Variants in DNAH9 observed in about 807,000 individuals in gnomAD.
The protein encoded by DNAH9 is dynein axonemal heavy chain 9.
A neutral mutation model predicts 471.6 loss-of-function variants in DNAH9; 345 were observed. The observed-to-expected ratio is 0.73, with a 90% CI of 0.67 to 0.80. The LOEUF (loss-of-function observed/expected upper bound fraction) is 0.80. Ranked by LOEUF, DNAH9 falls within the 30% of genes least tolerant of loss-of-function variation. The pLI is 0.00. For synonymous variants in DNAH9, 2,093 were observed against 2,123.6 expected, an observed-to-expected ratio of 0.99 and a Z score of 0.40; for missense variants, 5,407 against 5,609.2, an observed-to-expected ratio of 0.96 and a Z score of 1.15.
At chr17:11,817,313 G>GTCT (rs1567822863) in intron 45 of DNAH9, among the ~76,000 whole-genome samples, 1 of 152,134 alleles carries the variant, frequency 6.6e-6, no homozygotes, top group African/African-American at 2.4e-5. Context: ...CCATCCGATG[G>GTCT]TCTTCTTCTT....
intron 26 of DNAH9, among the ~76,000 whole-genome samples, chr17:11,707,435 T>A (rs1273153005): frequency 6.6e-6 from 1 of 152,220 alleles, no homozygotes; most frequent in African/African-American, 2.4e-5. Context: ...GTTCATGGAA[T>A]GAATAGGACA....
intron 26 of DNAH9, among the ~76,000 whole-genome samples, chr17:11,707,360 A>G (rs1196049859): frequency 6.6e-6 from 1 of 152,160 alleles, no homozygotes; most frequent in Non-Finnish European, 1.5e-5. Context: ...ATTTTAGTCA[A>G]ATCCTCAAAT....
intron 45 of DNAH9, 134 bp downstream of exon 45, chr17:11,810,503 C>A: frequency 8.5e-7 from 1 of 1,169,624 alleles, no homozygotes; most frequent in Non-Finnish European, 1.2e-6. Context: ...CAGCCAAGGA[C>A]TGGTTCATTG....
At chr17:11,797,932 T>G (rs1969306585) in intron 43 of DNAH9, 139 bp downstream of exon 43, 7 of 831,994 alleles carry the variant, frequency 8.4e-6, no homozygotes, top group Non-Finnish European at 1.3e-5. Flanking sequence ...AGATGGCTGC[T>G]GGCAGAGCAG....
intron 68 of DNAH9, among the ~76,000 whole-genome samples, chr17:11,963,659 A>ATT (rs35717040): frequency 1.3e-5 from 2 of 151,744 alleles, no homozygotes; most frequent in African/African-American, 2.4e-5. Flanking sequence ...AAGAGTTGAA[A>ATT]TTTTTTTTAA....
intron 33 of DNAH9, among the ~76,000 whole-genome samples, chr17:11,754,139 A>C (rs1397220978): frequency 6.6e-6 from 1 of 151,996 alleles, no homozygotes; most frequent in African/African-American, 2.4e-5. Context: ...TTCCCAAAAA[A>C]AAAAAACAAA....
chr17:11,811,300 G>A (rs540948250), intron 45 of DNAH9, among the ~76,000 whole-genome samples: 13 of 151,908 alleles, frequency 8.6e-5, no homozygotes, highest in African/African-American at 2.2e-4. Flanking sequence ...GCGACAGAGC[G>A]AGACTCCGTC....
chr17:11,727,363 G>T (rs1293111525), intron 27 of DNAH9, among the ~76,000 whole-genome samples: 3 of 152,044 alleles, frequency 2.0e-5, no homozygotes. Flanking sequence ...TTTAACAGAT[G>T]TTATCACCCC....
intron 35 of DNAH9, among the ~76,000 whole-genome samples, chr17:11,761,368 C>T (rs1017469634): frequency 1.3e-5 from 2 of 152,176 alleles, no homozygotes; most frequent in African/African-American, 2.4e-5. Flanking sequence ...TCTGACCCAT[C>T]GCTGTAAAAG....
At chr17:11,968,099 T>C (rs921674904) in intron 68 of DNAH9, among the ~76,000 whole-genome samples, 1 of 152,188 alleles carries the variant, frequency 6.6e-6, no homozygotes, top group Non-Finnish European at 1.5e-5. Flanking sequence ...GAGATGCAAA[T>C]GTTTTAGAAT....
At chr17:11,835,936 G>A (rs981391082) in intron 49 of DNAH9, among the ~76,000 whole-genome samples, 7 of 152,084 alleles carry the variant, frequency 4.6e-5, no homozygotes, top group Admixed American at 6.5e-5. Context: ...CACATGCCTC[G>A]GAGCTAGCCC....
chr17:11,920,558 T>C (rs1597828128), intron 61 of DNAH9, among the ~76,000 whole-genome samples: 1 of 147,554 alleles, frequency 6.8e-6, no homozygotes, highest in Non-Finnish European at 1.5e-5. Flanking sequence ...GAGGCAGAGG[T>C]TGCAGTGAGC....
chr17:11,823,042 A>G lies in DNAH9; in HGVS notation c.9246+8A>G. The G allele has an allele frequency of 4.4e-6, 7 of 1,606,236 alleles. No homozygotes were observed. The highest frequency in any genetic ancestry group is 6.0e-6 in the Non-Finnish European group (7 of 1,175,654). On this transcript the variant is annotated splice_region_variant and intron_variant, in intron 48 of 68. Coordinates refer to ENST00000262442, the MANE Select transcript of DNAH9 (RefSeq NM_001372.4). The stretch of plus-strand genomic sequence containing the variant: ...CATAGCACCTCTGCCCAGGTGAGCA[A>G]TGTCCCGCTCCTTCCACCTGCAGGG...
chr17:11,685,352 G>A (rs991838076), intron 19 of DNAH9, among the ~76,000 whole-genome samples: 5 of 152,256 alleles, frequency 3.3e-5, no homozygotes, highest in African/African-American at 1.2e-4. Context: ...AAAACTGCAT[G>A]TGTGTATGGC....
intron 48 of DNAH9, among the ~76,000 whole-genome samples, chr17:11,824,293 G>A (rs933179009): frequency 3.9e-5 from 6 of 152,102 alleles, no homozygotes; most frequent in Admixed American, 1.3e-4. Flanking sequence ...TTGTTCTATT[G>A]AACTTTCTCC....
rs1470012747 is a variant in DNAH9, at chr17:11,745,026, T to G, written c.6341T>G (p.Leu2114Trp). The G allele has an allele frequency of 5.6e-6, 9 of 1,614,032 alleles. No homozygotes were observed. Among genetic ancestry groups the G allele is most frequent in the Non-Finnish European group, 5.9e-6 (7 of 1,180,008 alleles). Residue 2114 changes from leucine (L) to tryptophan (W), a missense_variant, in exon 31 of 69, where the codon TTG becomes TGG. Leu to Trp is a moderately conservative substitution (Grantham distance 61, BLOSUM62 -2). Transcript: ENST00000262442. ...PRRRDPNFEA[L>W]VRKAIVDLKL... ...AGGAGAGACCCCAACTTCGAAGCTT[T>G]GGTTAGGAAGGCGATAGTGGATCTG...
intron 45 of DNAH9, among the ~76,000 whole-genome samples, chr17:11,817,055 CA>C (rs60143900): frequency 0.096 from 14,056 of 145,834 alleles, 1,737 homozygotes; most frequent in African/African-American, 0.28. Flanking sequence ...CGAGCCGTCT[CA>C]AAAAAAAAAA....
At chr17:11,876,658 A>C (rs1972498152) in intron 53 of DNAH9, among the ~76,000 whole-genome samples, 3 of 152,078 alleles carry the variant, frequency 2.0e-5, no homozygotes. Context: ...TGCGAGGGAG[A>C]GGGGAATGAA....
rs180786778 is a variant in DNAH9 at position 11,866,901 on chromosome 17, C to T, written c.9934-2233C>T. The stretch of plus-strand genomic sequence containing the variant: ...GGGCAGTATTCGGGTGGGAGTGACC[C>T]GATTTTCCAGGTGCCATCTGTCACC... On this transcript the variant is annotated intron_variant, in intron 50 of 68. Transcript: ENST00000262442. Among the ~76,000 whole-genome samples, 38 of 152,316 alleles carry T rather than the reference C, an allele frequency of 2.5e-4. 1 individual carries two copies. The highest frequency in any genetic ancestry group is 1.9e-3 in the Admixed American group (29 of 15,300).
Sources: gnomAD v4.1 joint callset for allele counts (sites outside exome capture counted in the v4.1 genomes callset) on GRCh38, gnomAD v4.1.1 for gene constraint, MANE v1.5 for transcripts, NCBI Gene and HGNC (gene_info 2026-07-23, HGNC 2026-07-21) for gene names.